The following PPARG variants were observed in gnomAD, a reference collection of about 807,000 sequenced individuals.
PPARG encodes the protein peroxisome proliferator activated receptor gamma, also known as peroxisome proliferator-activated receptor gamma.
A neutral mutation model predicts 39.2 loss-of-function variants in PPARG; 17 were observed. The ratio of observed to expected loss-of-function variants is 0.43; its 90% CI spans 0.30 to 0.65. PPARG has a LOEUF of 0.65. Among genes scored for constraint, PPARG ranks in the 30% least tolerant of loss-of-function variants. The pLI, the probability that PPARG is intolerant of heterozygous loss-of-function variation, is 0.13. For missense variants in PPARG, 406 were observed against 585.9 expected, an observed-to-expected ratio of 0.69 and a Z score of 3.17; for synonymous variants, 223 against 215.7, an observed-to-expected ratio of 1.03 and a Z score of -0.30.
intron 7 of PPARG, among the ~76,000 whole-genome samples, chr3:12,428,524 A>T (rs1444234713): frequency 2.0e-5 from 3 of 152,264 alleles, no homozygotes; most frequent in African/African-American, 7.2e-5. Flanking sequence ...TCCTGGCAAC[A>T]GTGCCTTTTC....
intron 2 of PPARG, among the ~76,000 whole-genome samples, chr3:12,374,395 TC>T (rs2049331017): frequency 6.6e-6 from 1 of 152,022 alleles, no homozygotes. Flanking sequence ...GGTCAGGAGT[TC>T]AAGACCAGCC....
intron 7 of PPARG, among the ~76,000 whole-genome samples, chr3:12,425,192 C>T (rs542515554): frequency 8.5e-5 from 13 of 152,310 alleles, no homozygotes; most frequent in Admixed American, 2.6e-4. Flanking sequence ...AGGATTCGGA[C>T]GTCCTGTGGC....
intron 7 of PPARG, among the ~76,000 whole-genome samples, chr3:12,422,514 G>C (rs1200142008): frequency 6.6e-6 from 1 of 152,134 alleles, no homozygotes; most frequent in Non-Finnish European, 1.5e-5. Flanking sequence ...TCAATTAATT[G>C]CTTCAGTCTT....
intron 2 of PPARG, chr3:12,372,021 A>G: frequency 4.2e-6 from 3 of 717,424 alleles, no homozygotes; most frequent in Admixed American, 2.0e-5. Context: ...ATTAACTGAA[A>G]CAAATGAGAA....
chr3:12,339,671 G>A (rs2048119569), intron 2 of PPARG, among the ~76,000 whole-genome samples: 1 of 152,086 alleles, frequency 6.6e-6, no homozygotes, highest in Non-Finnish European at 1.5e-5. Context: ...GACTGTACTT[G>A]GGCAAGGCCT....
At position 12,405,321 on chromosome 3, in the gene PPARG, G is replaced by A. The variant is rs774922320; in HGVS notation, c.530-561G>A. On this transcript the variant is annotated intron_variant, in intron 5 of 7. Transcript: ENST00000651735. ...CGGGAGATAACTATGGCTTCTCTCC[G>A]CTACATGTAAAAGTGCTCTCTGGAC... Among the ~76,000 whole-genome samples, 5 of 152,100 alleles carry A rather than the reference G, an allele frequency of 3.3e-5. No homozygotes were observed. The East Asian group carries it at 7.7e-4, about 23-fold the overall frequency.
intron 7 of PPARG, among the ~76,000 whole-genome samples, chr3:12,420,635 G>A (rs1020279520): frequency 9.9e-5 from 15 of 152,220 alleles, no homozygotes; most frequent in African/African-American, 3.6e-4. Context: ...GCGGGGGTAA[G>A]GAATTGGGGA....
chr3:12,326,708 G>T (rs1267567984), intron 2 of PPARG, among the ~76,000 whole-genome samples: 3 of 150,506 alleles, frequency 2.0e-5, no homozygotes, highest in Non-Finnish European at 4.4e-5. Context: ...TAGAGATTTA[G>T]AGTATTTGTT....
At chr3:12,371,641 A>G (rs1157933644) in intron 2 of PPARG, among the ~76,000 whole-genome samples, 1 of 152,204 alleles carries the variant, frequency 6.6e-6, no homozygotes, top group East Asian at 1.9e-4. Context: ...AAAAGTGGCA[A>G]AGGTTAAAAG....
chr3:12,417,901 C>CTTTTTT (rs1559533744), intron 7 of PPARG, among the ~76,000 whole-genome samples: 28 of 46,140 alleles, frequency 6.1e-4, no homozygotes, highest in African/African-American at 2.0e-3. Flanking sequence ...TTTTTTTTTT[C>CTTTTTT]CTTTTTTTTT....
chr3:12,403,907 T>A (rs534417580), intron 5 of PPARG, among the ~76,000 whole-genome samples: 8 of 152,298 alleles, frequency 5.3e-5, no homozygotes, highest in Middle Eastern at 3.4e-3. Context: ...GATACAATAA[T>A]GAACAAGATT....
At chr3:12,417,616 T>C (rs2051107178) in intron 7 of PPARG, among the ~76,000 whole-genome samples, 1 of 152,156 alleles carries the variant, frequency 6.6e-6, no homozygotes, top group African/African-American at 2.4e-5. Flanking sequence ...GATACTACTT[T>C]GAATTGCTTT....
chr3:12,321,469 TCTTTCTGTATAGGAA>T (rs2047543428), intron 2 of PPARG, among the ~76,000 whole-genome samples: 1 of 152,128 alleles, frequency 6.6e-6, no homozygotes, highest in Admixed American at 6.5e-5. Flanking sequence ...AGACAGAAAA[TCTTTCTGTATAGGAA>T]CCTACTGATC....
At chr3:12,431,399 C>T (rs1575160722) in intron 7 of PPARG, among the ~76,000 whole-genome samples, 2 of 152,200 alleles carry the variant, frequency 1.3e-5, no homozygotes, top group Admixed American at 6.5e-5. Flanking sequence ...GGCTTCAATG[C>T]ATTTATTAGA....
At chr3:12,383,377 G>A (rs541276976) in intron 4 of PPARG, among the ~76,000 whole-genome samples, 2 of 152,324 alleles carry the variant, frequency 1.3e-5, no homozygotes, top group African/African-American at 4.8e-5. Flanking sequence ...AGATCTTGAT[G>A]AGTAGTAAGA....
chr3:12,415,118 A>G (rs2051014384), intron 6 of PPARG, among the ~76,000 whole-genome samples: 1 of 152,180 alleles, frequency 6.6e-6, no homozygotes, highest in Non-Finnish European at 1.5e-5. Context: ...TCAGGAGAGA[A>G]TTGTCAGCAT....
Position 12,358,092 on chromosome 3 carries a change from T to C in PPARG, c.-8-21612T>C, listed in dbSNP as rs779222236. Among the ~76,000 whole-genome samples the C allele has an allele frequency of 3.9e-5, 6 of 152,240 alleles. 1 individual carries two copies. Among genetic ancestry groups the C allele is most frequent in the East Asian group, 1.9e-4 (1 of 5,206 alleles). On this transcript the variant is annotated intron_variant, in intron 2 of 7. Coordinates refer to ENST00000651735, the MANE Select transcript of PPARG (RefSeq NM_138711.6). ...GCTACAAACCAGGCACAAATATGTT[T>C]TGAATTATCTGTTAGTTAATTTGCA...
At chr3:12,346,514 T>G (rs2048331240) in intron 2 of PPARG, among the ~76,000 whole-genome samples, 2 of 152,340 alleles carry the variant, frequency 1.3e-5, no homozygotes, top group South Asian at 4.1e-4. Flanking sequence ...GGTTTGTGGC[T>G]GAGCCAAGAC....
intron 5 of PPARG, among the ~76,000 whole-genome samples, chr3:12,400,450 A>G (rs1202388218): frequency 6.6e-6 from 1 of 152,236 alleles, no homozygotes; most frequent in Non-Finnish European, 1.5e-5. Flanking sequence ...ATTCAGCTCA[A>G]TAGAAGTGTG....
Sources: allele counts gnomAD v4.1 joint callset (sites outside exome capture counted in the v4.1 genomes callset), GRCh38; gene constraint gnomAD v4.1.1; transcripts MANE v1.5; gene names NCBI Gene and HGNC (gene_info 2026-07-23, HGNC 2026-07-21).